The following ENTREP2 variants were observed in gnomAD, a reference collection of about 807,000 sequenced individuals.
The protein encoded by ENTREP2 is endosomal transmembrane epsin interactor 2.
At chr15:29,471,490 C>T in the ENTREP2 span, among the ~76,000 whole-genome samples, 1,421 of 152,044 alleles carry the variant, frequency 9.3e-3, 15 homozygotes, top group African/African-American at 0.032. Flanking sequence ...CCCCGGGAGG[C>T]GCCGGGATAA....
At chr15:29,124,879 C>A in the ENTREP2 span, 1 of 905,116 alleles carries the variant, frequency 1.1e-6, no homozygotes, top group Non-Finnish European at 1.7e-6. Context: ...GAGAAGCCTG[C>A]TGAGCTGACA....
chr15:29,425,355 ATCT>A, the ENTREP2 span, among the ~76,000 whole-genome samples: 5 of 152,050 alleles, frequency 3.3e-5, no homozygotes, highest in Non-Finnish European at 5.9e-5. Context: ...CTAGTTTTAA[ATCT>A]TCTTTATCCT....
At chr15:29,393,871 A>G in the ENTREP2 span, among the ~76,000 whole-genome samples, 1 of 152,178 alleles carries the variant, frequency 6.6e-6, no homozygotes, top group Non-Finnish European at 1.5e-5. Flanking sequence ...CCCAGCAACT[A>G]TATTTCTCAA....
chr15:29,495,156 C>A, the ENTREP2 span, among the ~76,000 whole-genome samples: 3 of 152,188 alleles, frequency 2.0e-5, no homozygotes, highest in Non-Finnish European at 2.9e-5. Flanking sequence ...ACATTCCCAG[C>A]ATCAATATAT....
the ENTREP2 span, among the ~76,000 whole-genome samples, chr15:29,628,461 C>T: frequency 1.3e-5 from 2 of 152,096 alleles, no homozygotes; most frequent in African/African-American, 2.4e-5. Flanking sequence ...AAATGTTCCA[C>T]GGTGCTTGAA....
chr15:29,524,023 A>C, the ENTREP2 span, among the ~76,000 whole-genome samples: 1 of 152,230 alleles, frequency 6.6e-6, no homozygotes, highest in Non-Finnish European at 1.5e-5. Context: ...AAACAAAAAA[A>C]TAGATGGGAT....
At chr15:29,446,949 G>A in the ENTREP2 span, among the ~76,000 whole-genome samples, 1 of 152,106 alleles carries the variant, frequency 6.6e-6, no homozygotes, top group African/African-American at 2.4e-5. Flanking sequence ...CTCTCACCCA[G>A]ATAATCCAGG....
At chr15:29,526,637 A>C in the ENTREP2 span, among the ~76,000 whole-genome samples, 1,017 of 151,750 alleles carry the variant, frequency 6.7e-3, 7 homozygotes, top group African/African-American at 0.023. Context: ...ACTATAAAAA[A>C]ATTTTTTTTT....
the ENTREP2 span, among the ~76,000 whole-genome samples, chr15:29,465,910 C>T: frequency 1.3e-5 from 2 of 152,204 alleles, no homozygotes; most frequent in Non-Finnish European, 2.9e-5. Flanking sequence ...GCAGGTAGCT[C>T]CTTTGTTTGT....
chr15:29,194,542 T>A, the ENTREP2 span, among the ~76,000 whole-genome samples: 1 of 152,222 alleles, frequency 6.6e-6, no homozygotes, highest in African/African-American at 2.4e-5. Flanking sequence ...GTGCCATGCA[T>A]TCAGCTAGGC....
At chr15:29,390,766 G>T in the ENTREP2 span, among the ~76,000 whole-genome samples, 1 of 152,166 alleles carries the variant, frequency 6.6e-6, no homozygotes, top group Admixed American at 6.5e-5. Context: ...CTAAAATCAA[G>T]AATGTTCTTC....
At chr15:29,640,486 C>A in the ENTREP2 span, among the ~76,000 whole-genome samples, 1 of 151,880 alleles carries the variant, frequency 6.6e-6, no homozygotes, top group Non-Finnish European at 1.5e-5. Context: ...GGTGAAACCC[C>A]ATCTCTACAA....
chr15:29,263,683 G>A, the ENTREP2 span, among the ~76,000 whole-genome samples: 1 of 152,258 alleles, frequency 6.6e-6, no homozygotes, highest in Non-Finnish European at 1.5e-5. Flanking sequence ...CTTCAGTGCT[G>A]TGTAGATGAC....
chr15:29,555,294 G>C, the ENTREP2 span, among the ~76,000 whole-genome samples: 2 of 152,058 alleles, frequency 1.3e-5, no homozygotes, highest in African/African-American at 4.8e-5. Flanking sequence ...TTTTACTTTT[G>C]TCCTTTCAAT....
chr15:29,531,405 T>C, the ENTREP2 span, among the ~76,000 whole-genome samples: 1 of 152,022 alleles, frequency 6.6e-6, no homozygotes, highest in East Asian at 1.9e-4. Flanking sequence ...AGTGGACTGG[T>C]GTGGGGGAGG....
At chr15:29,344,238 G>C in the ENTREP2 span, among the ~76,000 whole-genome samples, 4 of 152,192 alleles carry the variant, frequency 2.6e-5, no homozygotes, top group African/African-American at 9.6e-5. Context: ...AACGCTTCAC[G>C]CTGCGTGCAA....
chr15:29,347,440 G>A, the ENTREP2 span, among the ~76,000 whole-genome samples: 1 of 151,910 alleles, frequency 6.6e-6, no homozygotes, highest in Admixed American at 6.6e-5. Context: ...AAAAAGCTTG[G>A]AATTACAGGT....
the ENTREP2 span, among the ~76,000 whole-genome samples, chr15:29,147,763 T>C: frequency 6.6e-6 from 1 of 152,200 alleles, no homozygotes; most frequent in Non-Finnish European, 1.5e-5. Context: ...AACAGAATCA[T>C]CCTTATGACC....
chr15:29,259,080 A>T, the ENTREP2 span, among the ~76,000 whole-genome samples: 1 of 152,242 alleles, frequency 6.6e-6, no homozygotes, highest in African/African-American at 2.4e-5. Context: ...AATCTGATAA[A>T]GAAAGAGGTT....
Sources: gnomAD v4.1 joint callset for allele counts (sites outside exome capture counted in the v4.1 genomes callset) on GRCh38, gnomAD v4.1.1 for gene constraint, MANE v1.5 for transcripts, NCBI Gene and HGNC (gene_info 2026-07-23, HGNC 2026-07-21) for gene names.